CALN1: variants seen among roughly 807,000 people sequenced by gnomAD.
The protein encoded by CALN1 is calcium-binding protein 8.
Under a neutral mutation model 30.6 loss-of-function variants are expected in CALN1, and 17 were observed. The observed-to-expected ratio is 0.56, with a 90% CI of 0.38 to 0.83. The LOEUF is 0.83. Among genes scored for constraint, CALN1 ranks in the 40% least tolerant of loss-of-function variants. The probability of loss-of-function intolerance (pLI) is 0.00; values close to 1 mark genes in which losing one functional copy is unlikely to be tolerated. For synonymous variants in CALN1, 156 were observed against 131.4 expected, an observed-to-expected ratio of 1.19 and a Z score of -1.28; for missense variants, 291 against 354.9, an observed-to-expected ratio of 0.82 and a Z score of 1.45.
chr7:72,133,499 T>C (rs183492585), intron 3 of CALN1, among the ~76,000 whole-genome samples: 51 of 152,332 alleles, frequency 3.3e-4, no homozygotes, highest in African/African-American at 1.2e-3. Flanking sequence ...TGTATGATTA[T>C]CATATGGTTA....
At chr7:71,835,117 G>A (rs531807128) in intron 5 of CALN1, among the ~76,000 whole-genome samples, 3 of 152,314 alleles carry the variant, frequency 2.0e-5, no homozygotes, top group Non-Finnish European at 4.4e-5. Flanking sequence ...GGGATTACAG[G>A]AATGAGCCAC....
At chr7:72,115,530 C>T (rs941068122) in intron 3 of CALN1, among the ~76,000 whole-genome samples, 2 of 141,376 alleles carry the variant, frequency 1.4e-5, no homozygotes, top group African/African-American at 5.4e-5. Flanking sequence ...TGACTGTCAC[C>T]CAGGCTGGAG....
At chr7:72,151,252 G>A (rs559536469) in intron 3 of CALN1, among the ~76,000 whole-genome samples, 3 of 152,238 alleles carry the variant, frequency 2.0e-5, no homozygotes, top group South Asian at 4.1e-4. Flanking sequence ...GCCTCCCTCT[G>A]CTCGCTTCTT....
intron 3 of CALN1, among the ~76,000 whole-genome samples, chr7:72,266,045 G>A (rs1016608945): frequency 3.3e-5 from 5 of 151,690 alleles, no homozygotes; most frequent in Non-Finnish European, 5.9e-5. Context: ...GAGGTGGGAG[G>A]GTCGCTTGAA....
intron 5 of CALN1, among the ~76,000 whole-genome samples, chr7:71,868,028 A>G (rs1252346420): frequency 6.6e-6 from 1 of 152,136 alleles, no homozygotes; most frequent in Non-Finnish European, 1.5e-5. Flanking sequence ...GTATAAAAGT[A>G]TTCTTTTTTT....
intron 2 of CALN1, among the ~76,000 whole-genome samples, chr7:72,328,403 G>T (rs1382678798): frequency 6.6e-6 from 1 of 152,164 alleles, no homozygotes; most frequent in East Asian, 1.9e-4. Flanking sequence ...TGCCATCATG[G>T]AAGACATCCT....
At chr7:72,402,698 C>G (rs1021596899) in intron 2 of CALN1, among the ~76,000 whole-genome samples, 1 of 152,134 alleles carries the variant, frequency 6.6e-6, no homozygotes, top group Non-Finnish European at 1.5e-5. Flanking sequence ...CTCCTCACCC[C>G]GAACTGACCG....
At chr7:72,163,222 T>C (rs980728095) in intron 3 of CALN1, among the ~76,000 whole-genome samples, 8 of 151,916 alleles carry the variant, frequency 5.3e-5, no homozygotes, top group African/African-American at 1.7e-4. Flanking sequence ...AAGGACAAAA[T>C]AGAAAAATGC....
intron 2 of CALN1, among the ~76,000 whole-genome samples, chr7:72,307,948 G>C (rs572306111): frequency 1.3e-5 from 2 of 151,734 alleles, no homozygotes; most frequent in Admixed American, 6.6e-5. Context: ...TTCACCAGAA[G>C]GACATTTCGT....
At chr7:72,266,475 T>C (rs773176859) in intron 3 of CALN1, among the ~76,000 whole-genome samples, 7 of 152,222 alleles carry the variant, frequency 4.6e-5, no homozygotes, top group Non-Finnish European at 8.8e-5. Context: ...CCTCAACCAA[T>C]TGGAAATTTG....
intron 3 of CALN1, among the ~76,000 whole-genome samples, chr7:72,213,920 G>A (rs1243762821): frequency 6.6e-6 from 1 of 152,194 alleles, no homozygotes; most frequent in East Asian, 1.9e-4. Context: ...ACGAGGCAAA[G>A]GCGCTGTTGT....
intron 1 of CALN1, among the ~76,000 whole-genome samples, chr7:72,406,778 G>C (rs1018371816): frequency 6.6e-6 from 1 of 152,026 alleles, no homozygotes; most frequent in Non-Finnish European, 1.5e-5. Context: ...CACCAGGCCT[G>C]GCTAATTTTT....
chr7:72,264,790 C>G (rs1160661886), intron 3 of CALN1, among the ~76,000 whole-genome samples: 1 of 152,070 alleles, frequency 6.6e-6, no homozygotes. Context: ...AGGTATTAAT[C>G]CTAGTACCCA....
rs773397212 is a variant in CALN1, at chr7:71,787,719, C to T, written c.*56G>A. ...CTGCTGTGTGGAGGAAGAGTCTGCC[C>T]GCACGGCATGCACATGCGCGGTGAG... On this transcript the variant is annotated 3_prime_UTR_variant, in exon 7 of 7. Coordinates refer to ENST00000395275, the MANE Select transcript of CALN1 (RefSeq NM_031468.4). 2.6e-5 allele frequency: 41 copies of T among 1,600,672 alleles called. No individual in the cohort carries two copies. Among genetic ancestry groups the T allele is most frequent in the Middle Eastern group, 2.0e-4 (1 of 5,042 alleles).
chr7:72,150,124 T>C (rs1201759176), intron 3 of CALN1, among the ~76,000 whole-genome samples: 1 of 57,756 alleles, frequency 1.7e-5, no homozygotes, highest in Non-Finnish European at 2.8e-5. Context: ...TAAAACTCCA[T>C]CTCAAAAAAA....
rs1218902971 is a variant in CALN1 at position 71,786,957 on chromosome 7, A to G, written c.*818T>C. 6.6e-6 allele frequency: 1 copy of G among 152,630 alleles called. No homozygotes were observed. The highest frequency in any genetic ancestry group is 2.4e-5 in the African/African-American group (1 of 41,460). 9.5% of individuals were successfully genotyped at this position (152,630 alleles called of 1,614,324 possible). A position where few individuals can be genotyped will look rare whatever the true frequency, so the allele number is the denominator to read the frequency against. Reference sequence around the variant, plus strand: ...AATGACATCACACACGAAGAAGCCAAATATATATATCTGTCTATGTTATAG... The same window carrying G: ...AATGACATCACACACGAAGAAGCCAGATATATATATCTGTCTATGTTATAG... On this transcript the variant is annotated 3_prime_UTR_variant, in exon 7 of 7. Coordinates refer to ENST00000395275, the MANE Select transcript of CALN1 (RefSeq NM_031468.4).
intron 6 of CALN1, among the ~76,000 whole-genome samples, chr7:71,802,693 C>T (rs535941234): frequency 6.6e-6 from 1 of 151,934 alleles, no homozygotes; most frequent in Admixed American, 6.6e-5. Context: ...GGTAATTTTT[C>T]CAAAAAATTA....
intron 3 of CALN1, among the ~76,000 whole-genome samples, chr7:72,246,451 C>A (rs554410395): frequency 6.6e-6 from 1 of 152,146 alleles, no homozygotes; most frequent in South Asian, 2.1e-4. Flanking sequence ...TGGGAAGCCC[C>A]AGGAGCTGCC....
intron 3 of CALN1, among the ~76,000 whole-genome samples, chr7:72,158,344 A>G (rs964569137): frequency 6.6e-6 from 1 of 152,194 alleles, no homozygotes; most frequent in Non-Finnish European, 1.5e-5. Flanking sequence ...ACAAAGAGAA[A>G]GAGTAGGAGG....
Sources: gnomAD v4.1 joint callset for allele counts (sites outside exome capture counted in the v4.1 genomes callset) on GRCh38, gnomAD v4.1.1 for gene constraint, MANE v1.5 for transcripts, NCBI Gene and HGNC (gene_info 2026-07-23, HGNC 2026-07-21) for gene names.